Variants in AKAP19 observed in about 807,000 individuals in gnomAD.
AKAP19 encodes A-kinase anchoring protein 19, also known as small A-kinase anchoring protein.
chr2:190,180,723 C>G, the AKAP19 span: 2 of 985,240 alleles, frequency 2.0e-6, no homozygotes, highest in African/African-American at 1.7e-5. The surrounding 1 kb of genome is among the most constrained non-coding windows in gnomAD (Gnocchi z 6.8). Context: ...AGGGCGCGCC[C>G]TGGAGCCGAG....
chr2:189,894,217 GA>G, the AKAP19 span, among the ~76,000 whole-genome samples: 34 of 152,244 alleles, frequency 2.2e-4, no homozygotes, highest in African/African-American at 7.9e-4. Context: ...TCTACTATCA[GA>G]TACTTATATA....
chr2:189,990,759 C>T, the AKAP19 span, among the ~76,000 whole-genome samples: 1 of 151,998 alleles, frequency 6.6e-6, no homozygotes, highest in African/African-American at 2.4e-5. Flanking sequence ...TGTTTGGTTG[C>T]ATGGAAAAGT....
the AKAP19 span, among the ~76,000 whole-genome samples, chr2:189,914,925 A>G: frequency 6.6e-6 from 1 of 152,104 alleles, no homozygotes; most frequent in Non-Finnish European, 1.5e-5. Flanking sequence ...TCTTGTTCTT[A>G]ACAACTTTAC....
chr2:189,958,615 AG>A, the AKAP19 span, among the ~76,000 whole-genome samples: 1 of 150,846 alleles, frequency 6.6e-6, no homozygotes, highest in African/African-American at 2.4e-5. Flanking sequence ...CACATCCATT[AG>A]AACCTCTTGC....
the AKAP19 span, among the ~76,000 whole-genome samples, chr2:190,163,290 C>T: frequency 1.3e-5 from 2 of 151,720 alleles, no homozygotes; most frequent in Admixed American, 6.6e-5. Context: ...AAAAATTAGC[C>T]GGGCGTGTTG....
chr2:190,156,657 A>T, the AKAP19 span, among the ~76,000 whole-genome samples: 1 of 152,198 alleles, frequency 6.6e-6, no homozygotes, highest in African/African-American at 2.4e-5. Context: ...ATAAACATGA[A>T]ATCATGCGCA....
At chr2:189,993,305 TA>T in the AKAP19 span, among the ~76,000 whole-genome samples, 11 of 152,364 alleles carry the variant, frequency 7.2e-5, no homozygotes, top group Admixed American at 2.0e-4. Flanking sequence ...GTTTATGTGA[TA>T]TATCACATTT....
At chr2:189,994,075 A>C in the AKAP19 span, among the ~76,000 whole-genome samples, 1 of 148,844 alleles carries the variant, frequency 6.7e-6, no homozygotes, top group African/African-American at 2.5e-5. Flanking sequence ...CACTGGCGCG[A>C]TCTCAGCTCA....
chr2:190,129,347 A>G, the AKAP19 span, among the ~76,000 whole-genome samples: 1 of 152,216 alleles, frequency 6.6e-6, no homozygotes, highest in Non-Finnish European at 1.5e-5. Context: ...TCACAGACAA[A>G]ATATAAATGA....
At chr2:190,039,522 C>CT in the AKAP19 span, among the ~76,000 whole-genome samples, 3 of 151,910 alleles carry the variant, frequency 2.0e-5, no homozygotes, top group African/African-American at 4.8e-5. Context: ...AATGAAGTTT[C>CT]TTTTTTTTAA....
the AKAP19 span, among the ~76,000 whole-genome samples, chr2:190,144,149 T>C: frequency 3.4e-5 from 5 of 145,940 alleles, no homozygotes; most frequent in Admixed American, 7.0e-5. Flanking sequence ...TGTGCACATG[T>C]ACCCTAAAAC....
At chr2:190,181,825 A>C in the AKAP19 span, among the ~76,000 whole-genome samples, 1 of 152,166 alleles carries the variant, frequency 6.6e-6, no homozygotes, top group Non-Finnish European at 1.5e-5. Context: ...TATTATGACA[A>C]AGTATAAATC....
chr2:190,195,378 ACTTT>A, the AKAP19 span, among the ~76,000 whole-genome samples: 1 of 152,166 alleles, frequency 6.6e-6, no homozygotes, highest in Non-Finnish European at 1.5e-5. Context: ...AGAATGTTTC[ACTTT>A]CTAAGAAACT....
the AKAP19 span, chr2:190,180,943 G>T: frequency 8.1e-6 from 8 of 985,086 alleles, no homozygotes; most frequent in African/African-American, 3.5e-5. This position sits in a 1 kb window ranked among gnomAD's most constrained non-coding sequence, Gnocchi z 6.8. Flanking sequence ...CTTTGCCCCC[G>T]CCCGGCCTCA....
the AKAP19 span, among the ~76,000 whole-genome samples, chr2:189,925,591 GT>G: frequency 3.3e-5 from 5 of 152,266 alleles, no homozygotes; most frequent in African/African-American, 1.2e-4. Flanking sequence ...AGGTTCATTT[GT>G]GGGTATGAAT....
chr2:190,084,543 T>C, the AKAP19 span, among the ~76,000 whole-genome samples: 3 of 152,238 alleles, frequency 2.0e-5, no homozygotes, highest in Non-Finnish European at 2.9e-5. Flanking sequence ...TATAACTCTT[T>C]AATGTATTCA....
the AKAP19 span, among the ~76,000 whole-genome samples, chr2:189,940,189 G>C: frequency 6.6e-6 from 1 of 151,554 alleles, no homozygotes; most frequent in South Asian, 2.1e-4. Context: ...TGAGGCAGGA[G>C]AATGGCATGA....
chr2:190,149,530 C>T, the AKAP19 span, among the ~76,000 whole-genome samples: 1 of 152,128 alleles, frequency 6.6e-6, no homozygotes, highest in African/African-American at 2.4e-5. Flanking sequence ...TCATTATTGT[C>T]ATTCAGTTCA....
At chr2:189,912,553 T>C in the AKAP19 span, among the ~76,000 whole-genome samples, 6 of 151,988 alleles carry the variant, frequency 3.9e-5, no homozygotes, top group South Asian at 2.1e-4. Flanking sequence ...ACAACAACAA[T>C]AACAACAAAA....
Sources: allele counts gnomAD v4.1 joint callset (sites outside exome capture counted in the v4.1 genomes callset), GRCh38; gene constraint gnomAD v4.1.1; non-coding constraint Gnocchi (gnomAD v3.1); transcripts MANE v1.5; gene names NCBI Gene and HGNC (gene_info 2026-07-23, HGNC 2026-07-21).